Variants in RGS6 observed in about 807,000 individuals in gnomAD.
The protein encoded by RGS6 is regulator of G-protein signaling 6.
RGS6 carries 30 observed loss-of-function variants against 78.5 expected under a neutral mutation model. The observed-to-expected ratio is 0.38, with a 90% CI of 0.29 to 0.52. The LOEUF is 0.52. Among genes scored for constraint, RGS6 ranks in the 20% least tolerant of loss-of-function variants. The pLI is 0.85. For missense variants in RGS6, 495 were observed against 609.7 expected (o/e 0.81, Z 1.98); for synonymous variants, 206 against 206.0 (o/e 1.00, Z 0.00).
chr14:72,363,949 C>T (rs112963811), intron 3 of RGS6, among the ~76,000 whole-genome samples: 3,014 of 123,144 alleles, frequency 0.024, 49 homozygotes, highest in African/African-American at 0.061. Flanking sequence ...TGAGTGGTAA[C>T]TGACAATAGC....
chr14:71,897,490 C>T, the RGS6 span, among the ~76,000 whole-genome samples: 4 of 151,964 alleles, frequency 2.6e-5, no homozygotes, highest in African/African-American at 7.2e-5. Flanking sequence ...GTCTCATTAC[C>T]CATTGTTAGA....
At chr14:72,589,473 C>G in the RGS6 span, among the ~76,000 whole-genome samples, 1 of 152,160 alleles carries the variant, frequency 6.6e-6, no homozygotes, top group East Asian at 1.9e-4. Context: ...TCACTTGAAC[C>G]CAGGAGGCAG....
chr14:72,552,697 G>A (rs1238250969), intron 17 of RGS6: 1 of 152,156 alleles, frequency 6.6e-6, no homozygotes. Context: ...TCCAAAGCGA[G>A]GTAGTGGAGG....
intron 2 of RGS6, among the ~76,000 whole-genome samples, chr14:72,252,177 C>A (rs892774047): frequency 5.3e-5 from 8 of 152,180 alleles, no homozygotes; most frequent in African/African-American, 1.9e-4. Context: ...TATCTGTAAG[C>A]CAAACATGTA....
At chr14:72,147,559 T>C (rs1216930899) in intron 2 of RGS6, among the ~76,000 whole-genome samples, 1 of 152,166 alleles carries the variant, frequency 6.6e-6, no homozygotes, top group Non-Finnish European at 1.5e-5. Context: ...CTGTTAAAGG[T>C]CCCACTTCCC....
intron 2 of RGS6, among the ~76,000 whole-genome samples, chr14:72,160,555 A>C (rs539843009): frequency 1.3e-5 from 2 of 152,158 alleles, no homozygotes; most frequent in African/African-American, 2.4e-5. Context: ...CCAGTATCTC[A>C]GAATGTGACT....
At position 72,510,226 on chromosome 14, in the gene RGS6, G is replaced by C. The variant is rs1157159467; in HGVS notation, c.1038G>C (p.Gly346=). Residue 346 remains glycine (G), a synonymous_variant, in exon 14 of 18, where the codon GGG becomes GGC. Transcript: ENST00000553525. ...SFDEILKDQV[G]RDQFLRFLES... is the part of the protein sequence containing the mutation. ...ATGAGATATTGAAGGACCAGGTGGG[G>C]CGGGACCAGTTTCTACGATTCCTGG... The C allele has an allele frequency of 1.2e-6, 2 of 1,614,208 alleles. No individual in the cohort carries two copies. The highest frequency in any genetic ancestry group is 2.2e-5 in the South Asian group (2 of 91,082).
the RGS6 span, among the ~76,000 whole-genome samples, chr14:72,572,935 A>G: frequency 1.3e-5 from 2 of 151,894 alleles, no homozygotes; most frequent in Non-Finnish European, 2.9e-5. Flanking sequence ...AAAGAGAGGG[A>G]GGGAAGGAGA....
chr14:72,078,338 C>A (rs1280424711), intron 2 of RGS6, among the ~76,000 whole-genome samples: 1 of 152,136 alleles, frequency 6.6e-6, no homozygotes, highest in Non-Finnish European at 1.5e-5. Context: ...GTACAGCCTG[C>A]AGAACCATGA....
chr14:72,431,246 A>C (rs759303626), intron 3 of RGS6, among the ~76,000 whole-genome samples: 2 of 152,172 alleles, frequency 1.3e-5, no homozygotes, highest in Non-Finnish European at 2.9e-5. Context: ...CTGCTCCAAA[A>C]TCACCCTGGG....
intron 3 of RGS6, among the ~76,000 whole-genome samples, chr14:72,417,400 G>A (rs2093894465): frequency 2.0e-5 from 3 of 152,236 alleles, no homozygotes; most frequent in South Asian, 4.1e-4. Context: ...GCATTTGGGA[G>A]GAGGTGGCAG....
chr14:71,985,886 T>A (rs1489381759), intron 2 of RGS6, among the ~76,000 whole-genome samples: 3 of 152,220 alleles, frequency 2.0e-5, no homozygotes, highest in Non-Finnish European at 4.4e-5. Flanking sequence ...TCAACCTCTT[T>A]CTACTCCCCA....
At chr14:72,299,490 A>G (rs958323079) in intron 2 of RGS6, among the ~76,000 whole-genome samples, 1 of 152,268 alleles carries the variant, frequency 6.6e-6, no homozygotes, top group African/African-American at 2.4e-5. Flanking sequence ...TCTTGGGAAT[A>G]TACCTAGGGG....
chr14:72,115,261 G>A (rs2095860717), intron 2 of RGS6, among the ~76,000 whole-genome samples: 3 of 152,178 alleles, frequency 2.0e-5, no homozygotes, highest in African/African-American at 7.2e-5. Flanking sequence ...TTACGCAGCT[G>A]TGGGCTCTAA....
rs535523998 is a variant in RGS6, at chr14:72,335,757, T to C, written c.85-16338T>C. On this transcript the variant is annotated intron_variant, in intron 2 of 17. Coordinates refer to ENST00000553525, the MANE Select transcript of RGS6 (RefSeq NM_001204424.2). Reference sequence around the variant, plus strand: ...TGATGAGCTTAATGTTTTAAGAATGTTTACAAACTTGTATTGGGCCACATG... The same window carrying C: ...TGATGAGCTTAATGTTTTAAGAATGCTTACAAACTTGTATTGGGCCACATG... Among the ~76,000 whole-genome samples the C allele has an allele frequency of 1.0e-3, 152 of 152,330 alleles. 1 individual carries two copies. Among genetic ancestry groups the C allele is most frequent in the African/African-American group, 3.4e-3 (142 of 41,570 alleles).
chr14:72,340,867 G>A (rs1263480319), intron 2 of RGS6, among the ~76,000 whole-genome samples: 1 of 152,168 alleles, frequency 6.6e-6, no homozygotes, highest in Non-Finnish European at 1.5e-5. Flanking sequence ...TCAGAGATGA[G>A]AACTGAATCT....
At chr14:72,470,216 G>A (rs2096035504) in intron 8 of RGS6, 133 bp downstream of exon 8, 2 of 652,302 alleles carry the variant, frequency 3.1e-6, no homozygotes, top group Non-Finnish European at 5.4e-6. Flanking sequence ...GAGCAACTGA[G>A]TAGAAATTAA....
chr14:72,046,815 G>A (rs2092881348), intron 2 of RGS6, among the ~76,000 whole-genome samples: 1 of 152,182 alleles, frequency 6.6e-6, no homozygotes. Flanking sequence ...TGTAGGATAT[G>A]GCTCTTCGAG....
At chr14:72,320,349 C>T (rs1442927857) in intron 2 of RGS6, among the ~76,000 whole-genome samples, 1 of 152,138 alleles carries the variant, frequency 6.6e-6, no homozygotes, top group African/African-American at 2.4e-5. Flanking sequence ...GAGACTGAGG[C>T]AGGTGGATCA....
Sources: gnomAD v4.1 joint callset for allele counts (sites outside exome capture counted in the v4.1 genomes callset) on GRCh38, gnomAD v4.1.1 for gene constraint, MANE v1.5 for transcripts, NCBI Gene and HGNC (gene_info 2026-07-23, HGNC 2026-07-21) for gene names.